CLP1: variants seen among roughly 807,000 people sequenced by gnomAD.
CLP1 encodes the protein cleavage factor polyribonucleotide kinase subunit 1, also known as polyribonucleotide 5'-hydroxyl-kinase Clp1.
In CLP1, 18 loss-of-function variants were observed where a neutral mutation model predicts 29.9. That is an observed-to-expected ratio of 0.60 (90% CI 0.42 to 0.89). The LOEUF (loss-of-function observed/expected upper bound fraction) is 0.89, where lower values mean the gene tolerates loss of function less well. Ranked by LOEUF, CLP1 falls within the 40% of genes least tolerant of loss-of-function variation. The probability of loss-of-function intolerance (pLI) is 0.00; values close to 1 mark genes in which losing one functional copy is unlikely to be tolerated. For synonymous variants in CLP1, 162 were observed against 206.2 expected, an observed-to-expected ratio of 0.79 and a Z score of 1.84; for missense variants, 357 against 544.8, an observed-to-expected ratio of 0.66 and a Z score of 3.43.
intron 1 of CLP1, 59 bp from the exon 2 acceptor site, chr11:57,659,396 A>G: frequency 1.8e-5 from 28 of 1,528,722 alleles, no homozygotes; most frequent in Non-Finnish European, 2.5e-5. Context: ...GCCCCATTGG[A>G]TGTTTTTGTA....
At position 57,659,720 on chromosome 11, in the gene CLP1, G is replaced by C; in HGVS notation, c.244G>C (p.Ala82Pro). 6.2e-7 allele frequency: 1 copy of C among 1,614,118 alleles called. No homozygotes were observed. Among genetic ancestry groups the C allele is most frequent in the Non-Finnish European group, 8.5e-7 (1 of 1,180,028 alleles). ...GCAACTGAGCGGCCGCACTGAGGTG[G>C]CTTATGTCTCCAAGGACACTCCTAT... is the stretch of plus-strand genomic sequence containing the variant. ...SVQLSGRTEV[A>P]YVSKDTPMLL... The change falls in exon 2 of 3, where the codon GCT becomes CCT. Residue 82 changes from alanine (A) to proline (P), a missense_variant. By Grantham distance (27) the Ala-to-Pro change is conservative (BLOSUM62 -1). Coordinates refer to ENST00000533682, the MANE Select transcript of CLP1 (RefSeq NM_006831.3).
At position 57,661,528 on chromosome 11, in the gene CLP1, C is replaced by T. The variant is rs1320007343; in HGVS notation, c.*92C>T. ...CTGAGATAAAAGACTGTTGGGGCCA[C>T]CTGACCAGTAAACTGTGGACTAGTA... On this transcript the variant is annotated 3_prime_UTR_variant, in exon 3 of 3. Coordinates refer to ENST00000533682, the MANE Select transcript of CLP1 (RefSeq NM_006831.3). 1 of 1,044,990 alleles carries T rather than the reference C, an allele frequency of 9.6e-7. No individual in the cohort carries two copies. Among genetic ancestry groups the T allele is most frequent in the Non-Finnish European group, 1.4e-6 (1 of 712,688 alleles). 64.7% of individuals were successfully genotyped at this position (1,044,990 alleles called of 1,614,324 possible). A position where few individuals can be genotyped will look rare whatever the true frequency, so the allele number is the denominator to read the frequency against.
Position 57,661,058 on chromosome 11 carries a change from T to C in CLP1, c.900T>C (p.Arg300=). The C allele has an allele frequency of 6.2e-7, 1 of 1,614,244 alleles. No individual in the cohort carries two copies. The highest frequency in any genetic ancestry group is 1.1e-5 in the South Asian group (1 of 91,088). ...TCCGGCGGGAATGTAGGGATGAGCG[T>C]ATCCGTGAGTATTTTTATGGATTCC... The part of the protein sequence containing the change: ...KDFRRECRDE[R]IREYFYGFRG... Residue 300 remains arginine (R), a synonymous_variant, in exon 3 of 3, where the codon CGT becomes CGC. Coordinates refer to ENST00000533682, the MANE Select transcript of CLP1 (RefSeq NM_006831.3).
chr11:57,658,524 AAT>A (rs1275344424), intron 1 of CLP1, among the ~76,000 whole-genome samples: 1 of 152,224 alleles, frequency 6.6e-6, no homozygotes, highest in African/African-American at 2.4e-5. Flanking sequence ...GGGAAGACAC[AAT>A]ATATAGTGAG....
Position 57,659,744 on chromosome 11 carries a change from A to G in CLP1, c.268A>G (p.Met90Val), listed in dbSNP as rs767679413. The change falls in exon 2 of 3, where the codon ATG becomes GTG. Residue 90 changes from methionine (M) to valine (V), a missense_variant. Met to Val is a conservative substitution (Grantham distance 21). Coordinates refer to ENST00000533682, the MANE Select transcript of CLP1 (RefSeq NM_006831.3). Reference sequence around the variant, plus strand: ...GGCTTATGTCTCCAAGGACACTCCTATGTTGCTTTACCTCAACACTCACAC... The same window carrying G: ...GGCTTATGTCTCCAAGGACACTCCTGTGTTGCTTTACCTCAACACTCACAC... ...EVAYVSKDTP[M>V]LLYLNTHTAL... 5.0e-6 allele frequency: 8 copies of G among 1,613,998 alleles called. No individual in the cohort carries two copies. Among genetic ancestry groups the G allele is most frequent in the Admixed American group, 3.3e-5 (2 of 59,986 alleles).
At position 57,659,555 on chromosome 11, in the gene CLP1, G is replaced by A. The variant is rs763617901; in HGVS notation, c.79G>A (p.Val27Met). Residue 27 changes from valine (V) to methionine (M), a missense_variant, in exon 2 of 3, where the codon GTG becomes ATG. Coordinates refer to ENST00000533682, the MANE Select transcript of CLP1 (RefSeq NM_006831.3). ...GCGAGAAACAGAACTTCGCTTTGAG[G>A]TGGAGGCATCTCAGTCAGTTCAGTT... ...LERETELRFE[V>M]EASQSVQLEL... 1.2e-6 allele frequency: 2 copies of A among 1,614,050 alleles called. No homozygotes were observed. Among genetic ancestry groups the A allele is most frequent in the East Asian group, 4.5e-5 (2 of 44,896 alleles).
chr11:57,661,504 T>G lies in CLP1; in HGVS notation c.*68T>G. ...TGGCCACCCCTAGAGGCAGATGGGC[T>G]GAGATAAAAGACTGTTGGGGCCACC... On this transcript the variant is annotated 3_prime_UTR_variant, in exon 3 of 3. Transcript: ENST00000533682. 1 of 1,378,968 alleles carries G rather than the reference T, an allele frequency of 7.3e-7. No individual in the cohort carries two copies. The highest frequency in any genetic ancestry group is 9.9e-7 in the Non-Finnish European group (1 of 1,005,102). The allele number at this position is 1,378,968 out of a possible 1,614,324, so 85.4% of individuals were successfully genotyped here.
In CLP1 at chr11:57,659,931, T is replaced by TG; in HGVS notation, c.458dup (p.Gln154ProfsTer43). On this transcript the variant is annotated frameshift_variant, in exon 2 of 3. Transcript: ENST00000533682. LOFTEE classifies it high-confidence loss of function. ...CGTCCCACTTATGTGGAGCTGGATG[T>TG]GGGCCAGGGTTCTGTGTCCATCCCT... The TG allele has an allele frequency of 3.1e-6, 5 of 1,614,180 alleles. No individual in the cohort carries two copies. Among genetic ancestry groups the TG allele is most frequent in the Non-Finnish European group, 4.2e-6 (5 of 1,180,016 alleles).
At chr11:57,659,414 A>T (rs1340500067) in intron 1 of CLP1, 41 bp from the exon 2 acceptor site, 1 of 1,584,816 alleles carries the variant, frequency 6.3e-7, no homozygotes, top group Admixed American at 1.7e-5. Flanking sequence ...GTAACAGAAG[A>T]CTGACTTATA....
At chr11:57,659,076 AT>A (rs1457776558) in intron 1 of CLP1, among the ~76,000 whole-genome samples, 1 of 146,146 alleles carries the variant, frequency 6.8e-6, no homozygotes, top group Non-Finnish European at 1.5e-5. Flanking sequence ...TGCCTGGCCC[AT>A]TGGATGATTT....
chr11:57,661,636 G>A lies in CLP1; in HGVS notation c.*200G>A. The A allele has an allele frequency of 3.6e-6, 2 of 561,708 alleles. No individual in the cohort carries two copies. Among genetic ancestry groups the A allele is most frequent in the South Asian group, 2.4e-5 (1 of 41,196 alleles). 34.8% of individuals were successfully genotyped at this position (561,708 alleles called of 1,614,324 possible). A position where few individuals can be genotyped will look rare whatever the true frequency, so the allele number is the denominator to read the frequency against. On this transcript the variant is annotated 3_prime_UTR_variant, in exon 3 of 3. Coordinates refer to ENST00000533682, the MANE Select transcript of CLP1 (RefSeq NM_006831.3). ...GAACCAAAAGGAAAACCATGAGACT[G>A]TAATTGGTTTCTTAGACCACCTAAG...
rs772358437 is a variant in CLP1, at chr11:57,659,970, C to T, written c.494C>T (p.Ala165Val). 1 of 1,613,870 alleles carries T rather than the reference C, an allele frequency of 6.2e-7. No homozygotes were observed. The highest frequency in any genetic ancestry group is 8.5e-7 in the Non-Finnish European group (1 of 1,179,918). The change falls in exon 2 of 3, where the codon GCC becomes GTC. Residue 165 changes from alanine to valine, a missense_variant. Ala to Val is a moderately conservative substitution (Grantham distance 64). Transcript: ENST00000533682. ...GTGTCCATCCCTGGTACCATGGGGG[C>T]CCTCTACATCGAGCGGCCTGCAGAT... ...GSVSIPGTMGALYIERPADVE... is the reference protein window; with the variant it reads ...GSVSIPGTMGVLYIERPADVE...
intron 2 of CLP1, 105 bp from the exon 3 acceptor site, chr11:57,660,660 A>T: frequency 9.7e-7 from 1 of 1,032,632 alleles, no homozygotes; most frequent in Non-Finnish European, 1.4e-6. Flanking sequence ...TTTCAAAAAA[A>T]AAATCATTTT....
intron 1 of CLP1, among the ~76,000 whole-genome samples, chr11:57,658,975 A>C (rs887911213): frequency 6.6e-6 from 1 of 151,568 alleles, no homozygotes; most frequent in Non-Finnish European, 1.5e-5. Context: ...GGGTTTCACC[A>C]TGTTGCCCAG....
chr11:57,659,229 AC>A (rs946208052), intron 1 of CLP1, among the ~76,000 whole-genome samples: 1 of 149,498 alleles, frequency 6.7e-6, no homozygotes. Context: ...GATTACAGGC[AC>A]CCTCCACCAT....
chr11:57,658,963 C>T (rs1258930901), intron 1 of CLP1, among the ~76,000 whole-genome samples: 1 of 150,566 alleles, frequency 6.6e-6, no homozygotes. Flanking sequence ...TTTCTACAGA[C>T]GGGGTTTCAC....
At position 57,659,509 on chromosome 11, in the gene CLP1, A is replaced by G. The variant is rs150722524; in HGVS notation, c.33A>G (p.Pro11=). Residue 11 remains proline, a synonymous_variant, in exon 2 of 3, where the codon CCA becomes CCG. Transcript: ENST00000533682. MGEEANDDKK[P]TTKFELERET... ...AAGAGGCTAATGATGACAAGAAGCC[A>G]ACCACTAAATTTGAACTAGAGCGAG... The G allele has an allele frequency of 1.9e-6, 3 of 1,614,072 alleles. No individual in the cohort carries two copies. The highest frequency in any genetic ancestry group is 8.5e-7 in the Non-Finnish European group (1 of 1,180,044).
At position 57,661,318 on chromosome 11, in the gene CLP1, T is replaced by C. The variant is rs1425359789; in HGVS notation, c.1160T>C (p.Ile387Thr). 8.1e-6 allele frequency: 13 copies of C among 1,614,088 alleles called. No homozygotes were observed. The African/African-American group carries it at 1.1e-4, about 13-fold the overall frequency. Residue 387 changes from isoleucine (I) to threonine (T), a missense_variant, in exon 3 of 3, where the codon ATT (isoleucine) becomes ACT (threonine). Physicochemically the swap from Ile to Thr is moderately conservative, Grantham distance 89 (BLOSUM62 -1). Transcript: ENST00000533682. Reference sequence around the variant, plus strand: ...TCCGAGACAAGTGTAGCTGGCTTCATTGTGGTGACCAGTGTGGACCTGGAG... The same window carrying C: ...TCCGAGACAAGTGTAGCTGGCTTCACTGTGGTGACCAGTGTGGACCTGGAG... ...NLSETSVAGF[I>T]VVTSVDLEHQ...
At chr11:57,660,139 G>A in intron 2 of CLP1, 57 bp downstream of exon 2, 1 of 1,494,450 alleles carries the variant, frequency 6.7e-7, no homozygotes. Context: ...GTAGGAAACT[G>A]GAGAAGTTTA....
Sources: allele counts gnomAD v4.1 joint callset (sites outside exome capture counted in the v4.1 genomes callset), GRCh38; gene constraint gnomAD v4.1.1; transcripts MANE v1.5; gene names NCBI Gene and HGNC (gene_info 2026-07-23, HGNC 2026-07-21).